Variants in CTNNA3 observed in about 807,000 individuals in gnomAD.
The protein encoded by CTNNA3 is catenin alpha-3.
CTNNA3 carries 76 observed loss-of-function variants against 95.7 expected under a neutral mutation model. That is an observed-to-expected ratio of 0.79 (90% CI 0.66 to 0.96). The LOEUF (loss-of-function observed/expected upper bound fraction) is 0.96, where lower values mean the gene tolerates loss of function less well. Ranked by LOEUF, CTNNA3 falls within the 40% of genes least tolerant of loss-of-function variation. The pLI is 0.00. For synonymous variants in CTNNA3, 431 were observed against 374.4 expected, an observed-to-expected ratio of 1.15 and a Z score of -1.74; for missense variants, 1,191 against 1,089.8, an observed-to-expected ratio of 1.09 and a Z score of -1.31.
chr10:66,185,113 C>T (rs2131866947), intron 13 of CTNNA3, among the ~76,000 whole-genome samples: 1 of 152,296 alleles, frequency 6.6e-6, no homozygotes, highest in South Asian at 2.1e-4. Flanking sequence ...CCTCTCCTAT[C>T]TTTCCTACTG....
At chr10:67,097,673 C>T (rs200082671) in intron 7 of CTNNA3, 10 of 1,612,576 alleles carry the variant, frequency 6.2e-6, no homozygotes, top group Middle Eastern at 1.6e-4. Context: ...AACTTCTCTC[C>T]CATAAGTCCT....
chr10:66,502,738 A>G (rs901667367), intron 11 of CTNNA3, among the ~76,000 whole-genome samples: 5 of 152,108 alleles, frequency 3.3e-5, no homozygotes, highest in African/African-American at 1.2e-4. Context: ...AAAAAACTCT[A>G]TAATGATCAT....
At chr10:66,705,295 T>G (rs576763291) in intron 9 of CTNNA3, among the ~76,000 whole-genome samples, 1 of 152,198 alleles carries the variant, frequency 6.6e-6, no homozygotes, top group East Asian at 1.9e-4. Context: ...TGTATCTATA[T>G]TCATATCGAT....
chr10:67,463,369 T>C (rs1832658324), intron 5 of CTNNA3, among the ~76,000 whole-genome samples: 1 of 152,176 alleles, frequency 6.6e-6, no homozygotes, highest in Admixed American at 6.5e-5. Context: ...AACCAAAATT[T>C]ACCCTTGATT....
At chr10:67,074,021 A>G (rs1160036363) in intron 7 of CTNNA3, among the ~76,000 whole-genome samples, 5 of 148,528 alleles carry the variant, frequency 3.4e-5, no homozygotes, top group Non-Finnish European at 7.4e-5. Context: ...AATGCCAAGT[A>G]GCCATTTTAA....
intron 2 of CTNNA3, among the ~76,000 whole-genome samples, chr10:67,647,068 G>T (rs1254269634): frequency 6.7e-6 from 1 of 149,956 alleles, no homozygotes; most frequent in Non-Finnish European, 1.5e-5. Context: ...TAATAAAGAT[G>T]GTTTTAACCA....
At chr10:67,284,741 C>G (rs965135221) in intron 5 of CTNNA3, among the ~76,000 whole-genome samples, 1 of 152,130 alleles carries the variant, frequency 6.6e-6, no homozygotes, top group African/African-American at 2.4e-5. Context: ...GAGTAACTTT[C>G]CTTAAAATGT....
At chr10:66,811,909 C>T (rs1841895405) in intron 7 of CTNNA3, among the ~76,000 whole-genome samples, 1 of 152,146 alleles carries the variant, frequency 6.6e-6, no homozygotes, top group African/African-American at 2.4e-5. Context: ...ATAACCAAGA[C>T]TCTGTATTAA....
At chr10:66,725,817 CA>C in intron 9 of CTNNA3, among the ~76,000 whole-genome samples, 1 of 152,072 alleles carries the variant, frequency 6.6e-6, no homozygotes, top group African/African-American at 2.4e-5. Flanking sequence ...ATATTTGTTT[CA>C]GATATTGTAA....
At chr10:66,642,558 G>A (rs987388642) in intron 9 of CTNNA3, among the ~76,000 whole-genome samples, 1 of 152,012 alleles carries the variant, frequency 6.6e-6, no homozygotes, top group Non-Finnish European at 1.5e-5. Flanking sequence ...TGCTATACAA[G>A]CACCTGTGTG....
intron 14 of CTNNA3, among the ~76,000 whole-genome samples, chr10:66,102,004 A>T (rs555037570): frequency 6.6e-6 from 1 of 152,214 alleles, no homozygotes; most frequent in African/African-American, 2.4e-5. Context: ...GTGCACTAAC[A>T]CTCATTGTGA....
At chr10:67,272,436 C>T (rs929261263) in intron 5 of CTNNA3, among the ~76,000 whole-genome samples, 1 of 151,944 alleles carries the variant, frequency 6.6e-6, no homozygotes, top group Non-Finnish European at 1.5e-5. Flanking sequence ...GCCTGTAGTC[C>T]CGGTTACTTG....
intron 13 of CTNNA3, among the ~76,000 whole-genome samples, chr10:66,140,970 T>C (rs945609827): frequency 1.3e-5 from 2 of 151,962 alleles, no homozygotes; most frequent in Non-Finnish European, 2.9e-5. Context: ...AATAGAAAAT[T>C]TTCTGAGTCT....
chr10:66,162,804 A>G (rs2084918898), intron 13 of CTNNA3, among the ~76,000 whole-genome samples: 1 of 150,408 alleles, frequency 6.6e-6, no homozygotes, highest in African/African-American at 2.5e-5. Flanking sequence ...TTCCACTACT[A>G]GGGTGAGTAG....
chr10:67,024,890 G>T (rs1369033769), intron 7 of CTNNA3, among the ~76,000 whole-genome samples: 2 of 152,006 alleles, frequency 1.3e-5, no homozygotes, highest in African/African-American at 4.8e-5. Context: ...TAGCACTTTA[G>T]GGGGCCAAGG....
rs561535783 is a variant in CTNNA3, at chr10:66,119,424, T to A, written c.1885-16175A>T. 5.9e-5 allele frequency among the ~76,000 whole-genome samples: 9 copies of A among 152,320 alleles called. No individual in the cohort carries two copies. In the South Asian group the frequency reaches 1.9e-3, roughly 32 times the overall value. The stretch of plus-strand genomic sequence containing the variant: ...TTCCTATTACTCTCTCTCACTCTAA[T>A]GTTTACAAATTGTTATAGCTTAGTG... On this transcript the variant is annotated intron_variant, in intron 13 of 17. Transcript: ENST00000433211.
intron 9 of CTNNA3, among the ~76,000 whole-genome samples, chr10:66,725,488 T>C (rs1463750831): frequency 1.3e-5 from 2 of 152,122 alleles, no homozygotes; most frequent in African/African-American, 2.4e-5. Context: ...GTAAATGAAG[T>C]TGATGAACAC....
At chr10:66,039,184 G>T (rs1007661939) in intron 15 of CTNNA3, among the ~76,000 whole-genome samples, 1 of 152,148 alleles carries the variant, frequency 6.6e-6, no homozygotes, top group African/African-American at 2.4e-5. Flanking sequence ...AATACAGGCA[G>T]CCAGGGAGGT....
chr10:67,423,842 G>A (rs1341728254), intron 5 of CTNNA3, among the ~76,000 whole-genome samples: 3 of 152,034 alleles, frequency 2.0e-5, no homozygotes, highest in Admixed American at 6.6e-5. Flanking sequence ...AATGAAGGTC[G>A]GGGACTCTTC....
Sources: allele counts gnomAD v4.1 joint callset (sites outside exome capture counted in the v4.1 genomes callset), GRCh38; gene constraint gnomAD v4.1.1; transcripts MANE v1.5; gene names NCBI Gene and HGNC (gene_info 2026-07-23, HGNC 2026-07-21).